MORC4: variants seen among roughly 807,000 people sequenced by gnomAD.
MORC4 encodes the protein MORC family CW-type zinc finger 4.
Under a neutral mutation model 65.5 loss-of-function variants are expected in MORC4, and 22 were observed. That is an observed-to-expected ratio of 0.34 (90% CI 0.24 to 0.48). The LOEUF (loss-of-function observed/expected upper bound fraction) is 0.48, where lower values mean the gene tolerates loss of function less well. Among genes scored for constraint, MORC4 ranks in the 20% least tolerant of loss-of-function variants. The probability of loss-of-function intolerance (pLI) is 0.99; values close to 1 mark genes in which losing one functional copy is unlikely to be tolerated. For missense variants in MORC4, 624 were observed against 703.0 expected (o/e 0.89, Z 1.27); for synonymous variants, 267 against 255.8 (o/e 1.04, Z -0.42).
In MORC4 at chrX:106,942,758, G is replaced by A. The variant is rs1367815511; in HGVS notation, c.2133C>T (p.Ile711=). ...CAGCAAGCTCCTCTCTGTTAAAAGG[G>A]ATCAGCTGAATGGGAGCTCCTGAAT... ...VRDSGAPIQL[I]PFNREELAER... The change falls in exon 15 of 17, where the codon ATC becomes ATT. Residue 711 remains isoleucine (I), a synonymous_variant. Coordinates refer to ENST00000355610, the MANE Select transcript of MORC4 (RefSeq NM_024657.5). 1 of 1,211,322 alleles carries A rather than the reference G, an allele frequency of 8.3e-7. No homozygotes were observed. Among genetic ancestry groups the A allele is most frequent in the South Asian group, 1.8e-5 (1 of 56,935 alleles).
chrX:106,941,966 G>A lies in MORC4; in HGVS notation c.2632C>T (p.Arg878Trp), dbSNP rs183174102. 8.9e-5 allele frequency: 108 copies of A among 1,208,327 alleles called. No homozygotes were observed. In the East Asian group the frequency reaches 2.8e-3, roughly 31 times the overall value. ...TCTAGGTCATCTCCCTCTGGGGTCC[G>A]GTAGGAGACCTGAGCCTTCTGCAGC... ...EMLQKAQVSY[R>W]TPEGDDLERA... Residue 878 changes from arginine to tryptophan, a missense_variant, in exon 16 of 17, where the codon CGG (arginine) becomes TGG (tryptophan). By Grantham distance (101) the Arg-to-Trp change is moderately radical (BLOSUM62 -3). Transcript: ENST00000355610.
chrX:106,993,380 C>T lies in MORC4; in HGVS notation c.176-18G>A. 3.3e-6 allele frequency: 4 copies of T among 1,200,654 alleles called. No individual in the cohort carries two copies. The highest frequency in any genetic ancestry group is 4.5e-6 in the Non-Finnish European group (4 of 888,164). ...AGCATTATCTGCAAAAGGTAGAAAT[C>T]TGCGATATTAGATCCCCTTTTCCAA... On this transcript the variant is annotated intron_variant, in intron 2 of 16. Transcript: ENST00000355610.
chrX:106,951,052 C>T (rs2147805583), intron 14 of MORC4, among the ~76,000 whole-genome samples: 1 of 111,542 alleles, frequency 9.0e-6, no homozygotes, highest in East Asian at 2.8e-4. Flanking sequence ...TGACAGAGTC[C>T]ACTATGCTCC....
intron 6 of MORC4, 28 bp downstream of exon 6, chrX:106,981,317 T>C: frequency 8.6e-7 from 1 of 1,164,587 alleles, no homozygotes; most frequent in Non-Finnish European, 1.1e-6. Flanking sequence ...ATCTTACCTC[T>C]CATTGTTGAA....
At chrX:106,959,096 A>G (rs1934174033) in intron 10 of MORC4, among the ~76,000 whole-genome samples, 1 of 112,300 alleles carries the variant, frequency 8.9e-6, no homozygotes, top group South Asian at 3.7e-4. Flanking sequence ...GTTAATCTTA[A>G]AAAGTAATAT....
At chrX:106,958,285 G>GTCTATCTCTAT in intron 11 of MORC4, 51 bp downstream of exon 11, 1 of 1,114,932 alleles carries the variant, frequency 9.0e-7, no homozygotes. Flanking sequence ...TTAGACTATA[G>GTCTATCTCTAT]AGATAAATCA....
chrX:106,958,319 G>C lies in MORC4; in HGVS notation c.1385+17C>G. On this transcript the variant is annotated intron_variant, in intron 11 of 16. Transcript: ENST00000355610. ...CAGGAGTTACCTTGAGCATAAGATTGAGTCCTGGAACCTTACCTGTACTTT... is the reference window on the plus strand; with the variant it reads ...CAGGAGTTACCTTGAGCATAAGATTCAGTCCTGGAACCTTACCTGTACTTT... 1 of 1,189,315 alleles carries C rather than the reference G, an allele frequency of 8.4e-7. No homozygotes were observed. Among genetic ancestry groups the C allele is most frequent in the Non-Finnish European group, 1.1e-6 (1 of 882,238 alleles).
chrX:106,957,050 T>C, intron 11 of MORC4, 46 bp from the exon 12 acceptor site: 1 of 888,875 alleles, frequency 1.1e-6, no homozygotes, highest in Non-Finnish European at 1.6e-6. Flanking sequence ...AACTGGGTCC[T>C]TCACTTTTAC....
At chrX:106,966,542 G>A (rs1388817914) in intron 9 of MORC4, among the ~76,000 whole-genome samples, 2 of 112,667 alleles carry the variant, frequency 1.8e-5, no homozygotes, top group Non-Finnish European at 3.8e-5. Flanking sequence ...AAGGGAAGCC[G>A]TGAGTGACTG....
Position 106,993,277 on chromosome X carries a change from G to A in MORC4, c.261C>T (p.Thr87=), listed in dbSNP as rs747629964. 1.1e-5 allele frequency: 13 copies of A among 1,209,377 alleles called. No individual in the cohort carries two copies. Among genetic ancestry groups the A allele is most frequent in the South Asian group, 3.5e-5 (2 of 56,782 alleles). ...EVKNKSCLTF[T]DDGCGMTPHK... is the part of the protein sequence containing the mutation. ...GAGGTGTCATCCCACATCCATCATCGGTAAAGGTCAAACAAGATTTATTCT... is the reference window on the plus strand; with the variant it reads ...GAGGTGTCATCCCACATCCATCATCAGTAAAGGTCAAACAAGATTTATTCT... Residue 87 remains threonine, a synonymous_variant, in exon 3 of 17, where the codon ACC becomes ACT. Transcript: ENST00000355610.
At position 106,993,320 on chromosome X, in the gene MORC4, A is replaced by G; in HGVS notation, c.218T>C (p.Ile73Thr). ...DPDVSARTVFIDVEEVKNKSC... is the reference protein window; with the variant it reads ...DPDVSARTVFTDVEEVKNKSC... ...TTTATTCTTGACCTCCTCAACATCT[A>G]TAAAGACCGTCCTGGCAGATACATC... The change falls in exon 3 of 17, where the codon ATA becomes ACA. Residue 73 changes from isoleucine (I) to threonine (T), a missense_variant. Ile to Thr is a moderately conservative substitution (Grantham distance 89). Transcript: ENST00000355610. 8.3e-7 allele frequency: 1 copy of G among 1,210,614 alleles called. No individual in the cohort carries two copies. Among genetic ancestry groups the G allele is most frequent in the Non-Finnish European group, 1.1e-6 (1 of 894,365 alleles).
chrX:106,976,736 G>C, intron 8 of MORC4, 52 bp from the exon 9 acceptor site: 1 of 910,224 alleles, frequency 1.1e-6, no homozygotes. Flanking sequence ...GCTGCCTGGA[G>C]GCATTTCCTT....
intron 12 of MORC4, among the ~76,000 whole-genome samples, 177 bp downstream of exon 12, chrX:106,956,759 C>T (rs1934116058): frequency 9.0e-6 from 1 of 111,232 alleles, no homozygotes; most frequent in Non-Finnish European, 1.9e-5. Context: ...AAGACAATCA[C>T]TAGTTGAGAC....
chrX:106,941,437 C>A lies in MORC4; in HGVS notation c.*42G>T. 9.5e-7 allele frequency: 1 copy of A among 1,051,681 alleles called. No individual in the cohort carries two copies. The highest frequency in any genetic ancestry group is 1.3e-6 in the Non-Finnish European group (1 of 780,150). 86.7% of individuals were successfully genotyped at this position (1,051,681 alleles called of 1,213,427 possible). ...CGTGAGGGAGGGAGAGAAAAGAGAA[C>A]AGACAGAAGATAAGAGAAGAGAAGG... is the stretch of plus-strand genomic sequence containing the variant. On this transcript the variant is annotated 3_prime_UTR_variant, in exon 17 of 17. Coordinates refer to ENST00000355610, the MANE Select transcript of MORC4 (RefSeq NM_024657.5).
chrX:106,999,886 G>T lies in MORC4; in HGVS notation c.84C>A (p.Phe28Leu). ...GACCTACCGTGCTCAGGCGGATCCC[G>T]AAGGCCTGCGGGCCGCCGCCGGGCC... ...LARPGGGPQA[F>L]GIRLSTMSPR... Residue 28 changes from phenylalanine (F) to leucine (L), a missense_variant, in exon 1 of 17, where the codon TTC (phenylalanine) becomes TTA (leucine). Physicochemically the swap from Phe to Leu is conservative, Grantham distance 22. Transcript: ENST00000355610. 1.2e-6 allele frequency: 1 copy of T among 831,484 alleles called. No individual in the cohort carries two copies. Among genetic ancestry groups the T allele is most frequent in the Non-Finnish European group, 1.4e-6 (1 of 689,669 alleles). 68.5% of individuals were successfully genotyped at this position (831,484 alleles called of 1,213,427 possible). A position where few individuals can be genotyped will look rare whatever the true frequency, so the allele number is the denominator to read the frequency against.
Position 106,956,986 on chromosome X carries a change from C to T in MORC4, c.1404G>A (p.Glu468=), listed in dbSNP as rs1934123758. 2 of 1,196,539 alleles carry T rather than the reference C, an allele frequency of 1.7e-6. No individual in the cohort carries two copies. The highest frequency in any genetic ancestry group is 3.5e-5 in the African/African-American group (2 of 57,504). The change falls in exon 12 of 17, where the codon GAG becomes GAA. Residue 468 remains glutamate (E), a synonymous_variant. Transcript: ENST00000355610. ...HPKYRRCSVP[E]EQELTDEDLC... ...GGTCTTCATCAGTGAGTTCTTGTTC[C>T]TCTGGAACAGAGCATCTCCTGCAGT...
rs770458060 is a variant in MORC4 at position 106,973,828 on chromosome X, G to A, written c.1157+2756C>T. On this transcript the variant is annotated intron_variant, in intron 9 of 16. Transcript: ENST00000355610. ...CAGCCTCTATAAGCTGGAAAAGACAGGAAAATGGATTATTCCCTAGAGCCT... is the reference window on the plus strand; with the variant it reads ...CAGCCTCTATAAGCTGGAAAAGACAAGAAAATGGATTATTCCCTAGAGCCT... Among the ~76,000 whole-genome samples the A allele has an allele frequency of 1.9e-3, 211 of 111,588 alleles. 2 individuals carry two copies. Among genetic ancestry groups the A allele is most frequent in the Non-Finnish European group, 3.2e-3 (172 of 53,080 alleles).
intron 10 of MORC4, 31 bp from the exon 11 acceptor site, chrX:106,958,495 G>C: frequency 8.5e-7 from 1 of 1,173,822 alleles, no homozygotes. Context: ...GTGTGACTGT[G>C]TATATCTTAG....
rs17253774 is a variant in MORC4, at chrX:106,996,539, C to T, written c.175+3138G>A. Reference sequence around the variant, plus strand: ...CTGGTTTCAATCCTACCTCTGGCTGCTTAACCCTCCAAAAATTTACCAATA... The same window carrying T: ...CTGGTTTCAATCCTACCTCTGGCTGTTTAACCCTCCAAAAATTTACCAATA... On this transcript the variant is annotated intron_variant, in intron 2 of 16. Coordinates refer to ENST00000355610, the MANE Select transcript of MORC4 (RefSeq NM_024657.5). 4.7e-3 allele frequency among the ~76,000 whole-genome samples: 521 copies of T among 111,736 alleles called. 2 individuals are homozygous for T. Among genetic ancestry groups the T allele is most frequent in the Middle Eastern group, 0.023 (5 of 216 alleles).
Sources: gnomAD v4.1 joint callset for allele counts (sites outside exome capture counted in the v4.1 genomes callset) on GRCh38, gnomAD v4.1.1 for gene constraint, MANE v1.5 for transcripts, NCBI Gene and HGNC (gene_info 2026-07-23, HGNC 2026-07-21) for gene names.